ZIM2: variants seen among roughly 807,000 people sequenced by gnomAD.
ZIM2 encodes the protein zinc finger protein 656.
In ZIM2, 14 loss-of-function variants were observed where a neutral mutation model predicts 38.6. The observed-to-expected ratio is 0.36, with a 90% CI of 0.24 to 0.57. The LOEUF (loss-of-function observed/expected upper bound fraction) is 0.57, where lower values mean the gene tolerates loss of function less well. Ranked by LOEUF, ZIM2 falls within the 20% of genes least tolerant of loss-of-function variation. The pLI is 0.81. For missense variants in ZIM2, 680 were observed against 695.1 expected, an observed-to-expected ratio of 0.98 and a Z score of 0.24; for synonymous variants, 247 against 245.8, an observed-to-expected ratio of 1.00 and a Z score of -0.04.
At position 56,821,740 on chromosome 19, in the gene ZIM2, C is replaced by G; in HGVS notation, c.205G>C (p.Asp69His). Residue 69 changes from aspartate to histidine, a missense_variant, in exon 7 of 13, where the codon GAT becomes CAT. Coordinates refer to ENST00000629319, the MANE Select transcript of ZIM2 (RefSeq NM_001387356.1). The part of the protein sequence containing the change: ...RNPRSRMPPR[D>H]LSLPVVAKTS... ...TTCGCCACCACAGGAAGGGAAAGAT[C>G]CCGCGGAGGCATCCCTGGGAAGAAA... 6.2e-7 allele frequency: 1 copy of G among 1,613,960 alleles called. No individual in the cohort carries two copies. Among genetic ancestry groups the G allele is most frequent in the Non-Finnish European group, 8.5e-7 (1 of 1,180,024 alleles).
intron 10 of ZIM2, 176 bp from the exon 11 acceptor site, chr19:56,782,297 T>G (rs1003556760): frequency 7.2e-6 from 6 of 831,206 alleles, no homozygotes; most frequent in African/African-American, 6.9e-5. Flanking sequence ...ACAGTTCCTA[T>G]TGCTAATTAC....
At position 56,812,373 on chromosome 19, in the gene ZIM2, G is replaced by A. The variant is rs1003266405; in HGVS notation, c.490+5373C>T. ...GATGTTAACAAAACAAATTAAGGCT[G>A]CTGGGGAACCTGAGTCCATGTTAAG... is the stretch of plus-strand genomic sequence containing the variant. On this transcript the variant is annotated intron_variant, in intron 9 of 12. Coordinates refer to ENST00000629319, the MANE Select transcript of ZIM2 (RefSeq NM_001387356.1). 4.1e-6 allele frequency: 4 copies of A among 984,540 alleles called. No individual in the cohort carries two copies. The African/African-American group carries it at 7.0e-5, about 17-fold the overall frequency. 61.0% of individuals were successfully genotyped at this position (984,540 alleles called of 1,614,324 possible). A position where few individuals can be genotyped will look rare whatever the true frequency, so the allele number is the denominator to read the frequency against.
chr19:56,821,565 G>A, intron 7 of ZIM2, 86 bp downstream of exon 7: 5 of 1,541,580 alleles, frequency 3.2e-6, no homozygotes, highest in Non-Finnish European at 4.4e-6. Context: ...CTAGGGGGCA[G>A]ATAAACACAC....
At chr19:56,813,551 G>C in intron 9 of ZIM2, 1 of 1,448,398 alleles carries the variant, frequency 6.9e-7, no homozygotes, top group Non-Finnish European at 9.1e-7. Flanking sequence ...GAGATGTTAA[G>C]TCAGGTGTGT....
chr19:56,816,265 C>CATT, intron 9 of ZIM2: 1 of 1,613,736 alleles, frequency 6.2e-7, no homozygotes, highest in Non-Finnish European at 8.5e-7. Context: ...AGTGAATGGC[C>CATT]CACTATGAAT....
At chr19:56,810,142 T>G in intron 9 of ZIM2, 1 of 974,582 alleles carries the variant, frequency 1.0e-6, no homozygotes, top group Non-Finnish European at 1.2e-6. Flanking sequence ...CACAACCATA[T>G]TAACAAACCA....
chr19:56,813,425 T>A (rs2059679348), intron 9 of ZIM2: 1 of 1,300,258 alleles, frequency 7.7e-7, no homozygotes, highest in Non-Finnish European at 9.8e-7. Flanking sequence ...TCAATCTGAT[T>A]ACTTGGAAAG....
At chr19:56,835,932 T>C (rs539718963) in intron 2 of ZIM2, 86 bp downstream of exon 2, 37 of 457,202 alleles carry the variant, frequency 8.1e-5, no homozygotes, top group African/African-American at 6.1e-4. Flanking sequence ...GTGGAACACA[T>C]ATGCAGTAGG....
intron 10 of ZIM2, among the ~76,000 whole-genome samples, chr19:56,789,620 T>C (rs373657285): frequency 6.6e-6 from 1 of 151,962 alleles, no homozygotes; most frequent in African/African-American, 2.4e-5. Flanking sequence ...TGTGGGATGG[T>C]GATAAGTACA....
At chr19:56,820,406 T>A (rs2060366232) in intron 7 of ZIM2, among the ~76,000 whole-genome samples, 1 of 152,204 alleles carries the variant, frequency 6.6e-6, no homozygotes. Context: ...GGATGCCAAT[T>A]CTTCACACAT....
chr19:56,823,622 G>A lies in ZIM2; in HGVS notation c.74C>T (p.Ser25Phe), dbSNP rs371901713. Reference protein sequence around the residue: ...DDDMTRNRRESSPPHSVHSFS... With the variant: ...DDDMTRNRREFSPPHSVHSFS... ...AGAATGGACTGAGTGAGGTGGTGAG[G>A]ACTCTCTTCTGTTCCGGGTCATGTC... is the stretch of plus-strand genomic sequence containing the variant. The change falls in exon 5 of 13, where the codon TCC (serine) becomes TTC (phenylalanine). Residue 25 changes from serine to phenylalanine, a missense_variant. Coordinates refer to ENST00000629319, the MANE Select transcript of ZIM2 (RefSeq NM_001387356.1). The A allele has an allele frequency of 4.3e-6, 7 of 1,614,000 alleles. No individual in the cohort carries two copies. Among genetic ancestry groups the A allele is most frequent in the African/African-American group, 2.7e-5 (2 of 74,884 alleles).
chr19:56,784,013 T>A (rs1380991815), intron 10 of ZIM2, among the ~76,000 whole-genome samples: 1 of 152,210 alleles, frequency 6.6e-6, no homozygotes, highest in Non-Finnish European at 1.5e-5. Flanking sequence ...ATGACAAAAA[T>A]TGAAAATTAA....
intron 9 of ZIM2, 104 bp from the exon 10 acceptor site, chr19:56,790,055 A>T: frequency 1.1e-6 from 1 of 890,548 alleles, no homozygotes; most frequent in Non-Finnish European, 1.6e-6. Context: ...CATGGGAAGG[A>T]ACAGCAGCTC....
In ZIM2 at chr19:56,775,492, G is replaced by A. The variant is rs1467545530; in HGVS notation, c.873C>T (p.Gly291=). The change falls in exon 13 of 13, where the codon GGC becomes GGT. Residue 291 remains glycine (G), a synonymous_variant. Coordinates refer to ENST00000629319, the MANE Select transcript of ZIM2 (RefSeq NM_001387356.1). The part of the protein sequence containing the change: ...SHDDPLEPHQ[G]NQEKLLTPIT... Reference sequence around the variant, plus strand: ...TAGGAGTCAAAAGTTTCTCTTGGTTGCCCTGGTGTGGTTCCAATGGATCAT... The same window carrying A: ...TAGGAGTCAAAAGTTTCTCTTGGTTACCCTGGTGTGGTTCCAATGGATCAT... 1 of 1,613,486 alleles carries A rather than the reference G, an allele frequency of 6.2e-7. No homozygotes were observed.
rs200998688 is a variant in ZIM2, at chr19:56,815,312, C to T, written c.490+2434G>A. The T allele has an allele frequency of 4.0e-4, 642 of 1,614,236 alleles. 5 individuals carry two copies. The highest frequency in any genetic ancestry group is 2.6e-3 in the South Asian group (235 of 91,088). ...ATTTTCTGGTTTGTGTTGAGGTCTT[C>T]GCTGGTAGCAAAAAATTGTCTGAAG... is the stretch of plus-strand genomic sequence containing the variant. On this transcript the variant is annotated intron_variant, in intron 9 of 12. Coordinates refer to ENST00000629319, the MANE Select transcript of ZIM2 (RefSeq NM_001387356.1).
At position 56,831,653 on chromosome 19, in the gene ZIM2, G is replaced by A. The variant is rs572391682; in HGVS notation, c.-227+4365C>T. Among the ~76,000 whole-genome samples, 3 of 152,292 alleles carry A rather than the reference G, an allele frequency of 2.0e-5. No individual in the cohort carries two copies. The East Asian group carries it at 5.8e-4, about 29-fold the overall frequency. On this transcript the variant is annotated intron_variant, in intron 2 of 12. Transcript: ENST00000629319. The stretch of plus-strand genomic sequence containing the variant: ...TCATTAAACAAGGAATGAAAACAAA[G>A]TATTTAGCAAAATGTTACATAACCA...
intron 1 of ZIM2, among the ~76,000 whole-genome samples, chr19:56,840,193 G>A (rs530751458): frequency 6.6e-6 from 1 of 152,194 alleles, no homozygotes; most frequent in Non-Finnish European, 1.5e-5. Flanking sequence ...GACCTTGCTG[G>A]ACTTGCCGTG....
chr19:56,816,922 C>T (rs2060032900), intron 9 of ZIM2: 1 of 1,614,224 alleles, frequency 6.2e-7, no homozygotes, highest in Admixed American at 1.7e-5. Context: ...ACAGTCCTTA[C>T]ATTCAAAACG....
intron 9 of ZIM2, among the ~76,000 whole-genome samples, chr19:56,807,233 T>C (rs935604301): frequency 2.0e-5 from 3 of 152,128 alleles, no homozygotes; most frequent in Non-Finnish European, 4.4e-5. Flanking sequence ...AAAATGAAAA[T>C]TGACTTCTTT....
Sources: allele counts gnomAD v4.1 joint callset (sites outside exome capture counted in the v4.1 genomes callset), GRCh38; gene constraint gnomAD v4.1.1; transcripts MANE v1.5; gene names NCBI Gene and HGNC (gene_info 2026-07-23, HGNC 2026-07-21).